Variants in ATP8A1 observed in about 807,000 individuals in gnomAD.
ATP8A1 encodes phospholipid-transporting ATPase IA.
A neutral mutation model predicts 177.7 loss-of-function variants in ATP8A1; 90 were observed. That is an observed-to-expected ratio of 0.51 (90% CI 0.43 to 0.60). The LOEUF (loss-of-function observed/expected upper bound fraction) is 0.60. Ranked by LOEUF, ATP8A1 falls within the 20% of genes least tolerant of loss-of-function variation. The pLI is 0.00. For synonymous variants in ATP8A1, 493 were observed against 485.9 expected (o/e 1.01, Z -0.19); for missense variants, 1,072 against 1,392.8 (o/e 0.77, Z 3.67).
Position 42,627,059 on chromosome 4 carries a change from C to G in ATP8A1, c.100G>C (p.Glu34Gln), listed in dbSNP as rs770697673. 1 of 1,614,012 alleles carries G rather than the reference C, an allele frequency of 6.2e-7. No individual in the cohort carries two copies. Among genetic ancestry groups the G allele is most frequent in the African/African-American group, 1.3e-5 (1 of 74,942 alleles). The change falls in exon 2 of 37, where the codon GAG (glutamate) becomes CAG (glutamine). Residue 34 changes from glutamate (E) to glutamine (Q), a missense_variant. Glu to Gln is a conservative substitution (Grantham distance 29). Around this residue, in one of 5 missense-constraint regions of ATP8A1, gnomAD observed 344 missense variants for 393.5 expected, o/e 0.87. Transcript: ENST00000381668. ...VSEKTSLADQ[E>Q]EVRTIFINQP... ...TTGATGAAAATAGTCCTTACTTCCT[C>G]CTGGTCAGCCAGTGAGGTCTTCTCT...
At chr4:42,638,352 C>T (rs886159942) in intron 1 of ATP8A1, among the ~76,000 whole-genome samples, 6 of 152,190 alleles carry the variant, frequency 3.9e-5, no homozygotes, top group African/African-American at 7.2e-5. Flanking sequence ...CTTGAACTCA[C>T]GCTAAATTGC....
chr4:42,619,076 G>A (rs1056802310), intron 4 of ATP8A1, among the ~76,000 whole-genome samples: 1 of 151,354 alleles, frequency 6.6e-6, no homozygotes, highest in East Asian at 1.9e-4. Flanking sequence ...TTGAGATGGA[G>A]TCTCATTCTG....
At chr4:42,569,364 C>A (rs1255422386) in intron 14 of ATP8A1, among the ~76,000 whole-genome samples, 159 bp from the exon 15 acceptor site, 1 of 152,104 alleles carries the variant, frequency 6.6e-6, no homozygotes, top group Non-Finnish European at 1.5e-5. Flanking sequence ...GTTAGTACAG[C>A]AAATAGAACA....
In ATP8A1 at chr4:42,452,173, C is replaced by T. The variant is rs1410974818; in HGVS notation, c.2818-114G>A. 4.5e-6 allele frequency: 3 copies of T among 664,574 alleles called. No individual in the cohort carries two copies. The African/African-American group carries it at 5.5e-5, about 12-fold the overall frequency. The allele number at this position is 664,574 out of a possible 1,614,324, so 41.2% of individuals were successfully genotyped here. ...ACAAAATGTGTTTCTGTCGGGCCAC[C>T]ACTGTGAATTAATAGAACTGACAGA... On this transcript the variant is annotated intron_variant, in intron 29 of 36. Coordinates refer to ENST00000381668, the MANE Select transcript of ATP8A1 (RefSeq NM_006095.2).
chr4:42,573,224 A>AT (rs1197414705), intron 14 of ATP8A1, among the ~76,000 whole-genome samples: 1 of 152,250 alleles, frequency 6.6e-6, no homozygotes, highest in Non-Finnish European at 1.5e-5. Context: ...GTAAAAAACA[A>AT]TGCCAATTAT....
intron 4 of ATP8A1, among the ~76,000 whole-genome samples, chr4:42,623,156 T>C (rs1737671474): frequency 6.6e-6 from 1 of 152,150 alleles, no homozygotes; most frequent in African/African-American, 2.4e-5. Flanking sequence ...TGCCATCTTA[T>C]ACCAGTCACA....
chr4:42,653,548 G>A (rs1035508420), intron 1 of ATP8A1, among the ~76,000 whole-genome samples: 1 of 152,114 alleles, frequency 6.6e-6, no homozygotes, highest in Non-Finnish European at 1.5e-5. Flanking sequence ...GTCATTTTAA[G>A]ACTGTTTTGC....
intron 24 of ATP8A1, among the ~76,000 whole-genome samples, chr4:42,495,080 A>G (rs1578047607): frequency 6.6e-6 from 1 of 152,246 alleles, no homozygotes; most frequent in South Asian, 2.1e-4. Context: ...CACATATTTT[A>G]TTAGCTGTTT....
At chr4:42,421,128 A>G (rs578001636) in intron 35 of ATP8A1, among the ~76,000 whole-genome samples, 1 of 152,276 alleles carries the variant, frequency 6.6e-6, no homozygotes, top group South Asian at 2.1e-4. Flanking sequence ...TTAATTTACT[A>G]GCTGAATTTA....
intron 33 of ATP8A1, among the ~76,000 whole-genome samples, chr4:42,442,562 A>T (rs1383085142): frequency 6.6e-6 from 1 of 152,242 alleles, no homozygotes; most frequent in African/African-American, 2.4e-5. Context: ...ATACTCCTTG[A>T]TATGTCTGGT....
chr4:42,515,800 T>C (rs188637607), intron 22 of ATP8A1, among the ~76,000 whole-genome samples: 6 of 152,346 alleles, frequency 3.9e-5, no homozygotes, highest in Admixed American at 3.3e-4. Context: ...GCAGCGGTGC[T>C]CAGATATTTG....
intron 9 of ATP8A1, among the ~76,000 whole-genome samples, chr4:42,584,385 T>TG (rs1231160583): frequency 6.6e-6 from 1 of 152,232 alleles, no homozygotes; most frequent in Non-Finnish European, 1.5e-5. Flanking sequence ...AGTCTATACT[T>TG]GCTATTTTCA....
chr4:42,502,337 TAAC>T (rs1723938196), intron 24 of ATP8A1, among the ~76,000 whole-genome samples: 1 of 152,198 alleles, frequency 6.6e-6, no homozygotes, highest in South Asian at 2.1e-4. Context: ...GCCAGTGTCT[TAAC>T]AATACACTGG....
At chr4:42,599,704 T>C (rs750410327) in intron 6 of ATP8A1, among the ~76,000 whole-genome samples, 31 of 152,168 alleles carry the variant, frequency 2.0e-4, no homozygotes, top group Non-Finnish European at 3.5e-4. Context: ...TACACTTCGA[T>C]TGTCCTAGCA....
chr4:42,606,110 A>C (rs1735773013), intron 5 of ATP8A1, among the ~76,000 whole-genome samples: 1 of 152,244 alleles, frequency 6.6e-6, no homozygotes, highest in African/African-American at 2.4e-5. Context: ...AATGAATAGC[A>C]GAGATATTTA....
intron 25 of ATP8A1, among the ~76,000 whole-genome samples, chr4:42,483,058 G>A (rs1001563756): frequency 3.9e-5 from 6 of 152,170 alleles, no homozygotes; most frequent in Non-Finnish European, 8.8e-5. Flanking sequence ...AACGAGGAGT[G>A]ACACTTGGGT....
chr4:42,424,447 G>A (rs1327826899), intron 33 of ATP8A1, among the ~76,000 whole-genome samples: 2 of 152,004 alleles, frequency 1.3e-5, no homozygotes, highest in African/African-American at 4.8e-5. Flanking sequence ...TTTTTATCAA[G>A]AGGAAATTTT....
At chr4:42,626,328 C>CAGACACATGAGAGATTAAAGCAGA (rs1738077018) in intron 2 of ATP8A1, 1 of 151,804 alleles carries the variant, frequency 6.6e-6, no homozygotes, top group South Asian at 2.1e-4. Context: ...CAGACACATG[C>CAGACACATGAGAGATTAAAGCAGA]CACATTACCC....
intron 25 of ATP8A1, among the ~76,000 whole-genome samples, chr4:42,474,546 A>G (rs535418352): frequency 2.0e-5 from 3 of 152,348 alleles, no homozygotes; most frequent in South Asian, 4.1e-4. Context: ...TTGGAACAGG[A>G]AAGCCAGATC....
Sources: gnomAD v4.1 joint callset for allele counts (sites outside exome capture counted in the v4.1 genomes callset) on GRCh38, gnomAD v4.1.1 for gene constraint, gnomAD v4.1.1 regional missense constraint, MANE v1.5 for transcripts, NCBI Gene and HGNC (gene_info 2026-07-23, HGNC 2026-07-21) for gene names.